Variants in CTNNA2 observed in about 807,000 individuals in gnomAD.
CTNNA2 encodes catenin alpha-2.
In CTNNA2, 42 loss-of-function variants were observed where a neutral mutation model predicts 101.0. That is an observed-to-expected ratio of 0.42 (90% CI 0.32 to 0.54). CTNNA2 has a LOEUF of 0.54. Ranked by LOEUF, CTNNA2 falls within the 20% of genes least tolerant of loss-of-function variation. The probability of loss-of-function intolerance (pLI) is 0.14; values close to 1 mark genes in which losing one functional copy is unlikely to be tolerated. For synonymous variants in CTNNA2, 450 were observed against 456.4 expected (o/e 0.99, Z 0.18); for missense variants, 871 against 1,223.1 (o/e 0.71, Z 4.29).
rs925739024 is a variant in CTNNA2 at position 80,354,426 on chromosome 2, G to A, written c.1057-38785G>A. Among the ~76,000 whole-genome samples the A allele has an allele frequency of 3.9e-5, 6 of 152,108 alleles. No individual in the cohort carries two copies. In the East Asian group the frequency reaches 1.2e-3, roughly 29 times the overall value. ...CCACTAGAAGCACAACTAGAAAAGA[G>A]CATGAGTCATATGGCCTCCATTTTC... On this transcript the variant is annotated intron_variant, in intron 7 of 18. Coordinates refer to ENST00000402739, the MANE Select transcript of CTNNA2 (RefSeq NM_001282597.3).
chr2:80,582,275 C>G (rs1231697119), intron 14 of CTNNA2, among the ~76,000 whole-genome samples: 1 of 152,096 alleles, frequency 6.6e-6, no homozygotes, highest in Non-Finnish European at 1.5e-5. Flanking sequence ...ATACAATGGC[C>G]TATGTTCTAT....
At chr2:79,215,296 C>T (rs1008781543) in intron 2 of CTNNA2, among the ~76,000 whole-genome samples, 5 of 152,084 alleles carry the variant, frequency 3.3e-5, no homozygotes, top group African/African-American at 4.8e-5. Flanking sequence ...CTGGGAGAGG[C>T]GGGCCTGGAG....
chr2:80,233,617 T>C lies in CTNNA2; in HGVS notation c.1057-159594T>C, dbSNP rs576713741. Among the ~76,000 whole-genome samples the C allele has an allele frequency of 7.9e-5, 12 of 152,316 alleles. No homozygotes were observed. In the South Asian group the frequency reaches 1.4e-3, roughly 18 times the overall value. On this transcript the variant is annotated intron_variant, in intron 7 of 18. Coordinates refer to ENST00000402739, the MANE Select transcript of CTNNA2 (RefSeq NM_001282597.3). ...CAGACAGACTAAAACTTAATTATAT[T>C]GACATGGATTTGAGGTAATGCTATC...
intron 7 of CTNNA2, among the ~76,000 whole-genome samples, chr2:80,136,401 C>A (rs570616243): frequency 6.6e-6 from 1 of 152,274 alleles, no homozygotes; most frequent in South Asian, 2.1e-4. Context: ...CTATAGTCAA[C>A]CATTGCCAAT....
At chr2:80,580,024 C>G (rs1226698178) in intron 13 of CTNNA2, among the ~76,000 whole-genome samples, 2 of 152,234 alleles carry the variant, frequency 1.3e-5, no homozygotes, top group Non-Finnish European at 2.9e-5. Flanking sequence ...CACACTGATT[C>G]ACTCACTCAC....
chr2:80,314,096 G>A (rs1350864413), intron 7 of CTNNA2, among the ~76,000 whole-genome samples: 2 of 152,180 alleles, frequency 1.3e-5, no homozygotes, highest in Non-Finnish European at 2.9e-5. Flanking sequence ...ATAGATCAGG[G>A]AGTCCCTGGA....
Position 79,766,309 on chromosome 2 carries a change from G to A in CTNNA2, c.298+21727G>A, listed in dbSNP as rs368379958. Among the ~76,000 whole-genome samples the A allele has an allele frequency of 1.9e-3, 292 of 152,276 alleles. 1 individual carries two copies. Among genetic ancestry groups the A allele is most frequent in the South Asian group, 0.013 (63 of 4,826 alleles). ...GTTTTCACCAGATATACTATTCTGA[G>A]GTAAAAGTTTTTTTCCTTCAGCACT... On this transcript the variant is annotated intron_variant, in intron 3 of 18. Transcript: ENST00000402739.
intron 1 of CTNNA2, among the ~76,000 whole-genome samples, chr2:79,564,021 G>A (rs1674955805): frequency 6.6e-6 from 1 of 152,070 alleles, no homozygotes; most frequent in African/African-American, 2.4e-5. Flanking sequence ...AATGGAGATG[G>A]AGATGGCACA....
At chr2:79,260,789 C>T (rs775897202) in intron 2 of CTNNA2, among the ~76,000 whole-genome samples, 16 of 152,092 alleles carry the variant, frequency 1.1e-4, no homozygotes, top group Non-Finnish European at 1.8e-4. Flanking sequence ...AGGCTGACCT[C>T]CAATTCTGAG....
chr2:80,157,946 T>G (rs1412610123), intron 7 of CTNNA2, among the ~76,000 whole-genome samples: 1 of 152,198 alleles, frequency 6.6e-6, no homozygotes, highest in Non-Finnish European at 1.5e-5. Flanking sequence ...TTCCCATTCA[T>G]GGAAATTCAA....
intron 7 of CTNNA2, among the ~76,000 whole-genome samples, chr2:80,162,240 T>A (rs542905032): frequency 1.3e-5 from 2 of 152,150 alleles, no homozygotes; most frequent in African/African-American, 2.4e-5. Flanking sequence ...TAAAACCCTT[T>A]CCTCTTCATA....
chr2:79,621,951 C>A (rs1679024150), intron 1 of CTNNA2, among the ~76,000 whole-genome samples: 1 of 152,094 alleles, frequency 6.6e-6, no homozygotes, highest in African/African-American at 2.4e-5. Context: ...CAAAACTGTC[C>A]AGGTCATCAA....
In CTNNA2 at chr2:79,346,173, T is replaced by C. The variant is rs944389676; in HGVS notation, c.-317-27658T>C. Among the ~76,000 whole-genome samples the C allele has an allele frequency of 2.6e-5, 4 of 152,326 alleles. No homozygotes were observed. The East Asian group carries it at 7.7e-4, about 29-fold the overall frequency. ...TAAATACAGAAAACATTTTGCTTTG[T>C]GTTGCATTGGCTTATGTTTTGTCTC... On this transcript the variant is annotated intron_variant, in intron 3 of 21. Transcript: ENST00000466387.
chr2:79,296,054 T>C (rs184405626), intron 2 of CTNNA2, among the ~76,000 whole-genome samples: 126 of 152,148 alleles, frequency 8.3e-4, no homozygotes, highest in South Asian at 6.6e-3. Flanking sequence ...TGCTTATAAA[T>C]AGTAAATAGT....
intron 1 of CTNNA2, among the ~76,000 whole-genome samples, chr2:79,551,353 C>A (rs2104054736): frequency 6.6e-6 from 1 of 152,248 alleles, no homozygotes; most frequent in South Asian, 2.1e-4. Context: ...AGGTTACATT[C>A]TTTTTAAGGT....
At chr2:79,740,779 A>T (rs1418831556) in intron 2 of CTNNA2, among the ~76,000 whole-genome samples, 1 of 152,158 alleles carries the variant, frequency 6.6e-6, no homozygotes, top group Non-Finnish European at 1.5e-5. Flanking sequence ...AGCATAGAGC[A>T]CAACAACAAT....
intron 7 of CTNNA2, among the ~76,000 whole-genome samples, chr2:80,280,440 G>A (rs1405167102): frequency 6.6e-6 from 1 of 151,574 alleles, no homozygotes; most frequent in East Asian, 2.0e-4. Context: ...CCCTTGATTT[G>A]AGCCCTTTAG....
At chr2:79,219,018 A>G (rs1487891990) in intron 2 of CTNNA2, among the ~76,000 whole-genome samples, 2 of 152,182 alleles carry the variant, frequency 1.3e-5, no homozygotes, top group Non-Finnish European at 2.9e-5. Flanking sequence ...GGGTGTGTGT[A>G]TGTATGTATA....
chr2:79,998,881 A>G (rs1692736155), intron 7 of CTNNA2, among the ~76,000 whole-genome samples: 1 of 152,128 alleles, frequency 6.6e-6, no homozygotes, highest in Admixed American at 6.5e-5. Flanking sequence ...CTTTCACAAA[A>G]TGGGCTTTTT....
Sources: gnomAD v4.1 joint callset for allele counts (sites outside exome capture counted in the v4.1 genomes callset) on GRCh38, gnomAD v4.1.1 for gene constraint, MANE v1.5 for transcripts, NCBI Gene and HGNC (gene_info 2026-07-23, HGNC 2026-07-21) for gene names.